The following MBOAT1 variants were observed in gnomAD, a reference collection of about 807,000 sequenced individuals.
MBOAT1 encodes membrane bound glycerophospholipid O-acyltransferase 1.
MBOAT1 carries 67 observed loss-of-function variants against 64.4 expected under a neutral mutation model. The ratio of observed to expected loss-of-function variants is 1.04; its 90% confidence interval spans 0.85 to 1.27. The LOEUF (loss-of-function observed/expected upper bound fraction) is 1.27, where lower values mean the gene tolerates loss of function less well. Ranked by LOEUF, MBOAT1 falls within the 50% of genes most tolerant of loss-of-function variation. The probability of loss-of-function intolerance (pLI) is 0.00; values close to 1 mark genes in which losing one functional copy is unlikely to be tolerated. For missense variants in MBOAT1, 563 were observed against 604.6 expected, an observed-to-expected ratio of 0.93 and a Z score of 0.72; for synonymous variants, 229 against 218.9, an observed-to-expected ratio of 1.05 and a Z score of -0.41.
chr6:20,141,626 C>G (rs1761179680), intron 4 of MBOAT1, among the ~76,000 whole-genome samples: 1 of 152,070 alleles, frequency 6.6e-6, no homozygotes. Context: ...CCTCTTCCTC[C>G]TCCTGCCAGC....
At chr6:20,175,297 T>G (rs971178379) in intron 1 of MBOAT1, among the ~76,000 whole-genome samples, 10 of 151,994 alleles carry the variant, frequency 6.6e-5, no homozygotes, top group African/African-American at 2.4e-4. Context: ...GTTGCCCAGG[T>G]GGGAGTGCAG....
chr6:20,176,335 C>T (rs1762341328), intron 1 of MBOAT1, among the ~76,000 whole-genome samples: 1 of 151,952 alleles, frequency 6.6e-6, no homozygotes, highest in Admixed American at 6.6e-5. Flanking sequence ...GATGGAATGA[C>T]TGTCTGCAAA....
At chr6:20,127,822 C>G (rs1760705242) in intron 6 of MBOAT1, among the ~76,000 whole-genome samples, 1 of 151,992 alleles carries the variant, frequency 6.6e-6, no homozygotes, top group Non-Finnish European at 1.5e-5. Context: ...TGAAACCATC[C>G]CCCCACCACC....
At chr6:20,141,222 C>A (rs1761160446) in intron 4 of MBOAT1, among the ~76,000 whole-genome samples, 1 of 152,164 alleles carries the variant, frequency 6.6e-6, no homozygotes, top group African/African-American at 2.4e-5. Context: ...ACTAACCCAG[C>A]ATGTGTGCAG....
At position 20,173,197 on chromosome 6, in the gene MBOAT1, T is replaced by C. The variant is rs141413404; in HGVS notation, c.100-20428A>G. On this transcript the variant is annotated intron_variant, in intron 1 of 12. Transcript: ENST00000324607. ...CATAAGGCAATTAAGCCTTTTGTTT[T>C]ACTAAATTACCCACTCTCAGGTATT... 4.8e-4 allele frequency among the ~76,000 whole-genome samples: 73 copies of C among 152,310 alleles called. 1 individual carries two copies. The highest frequency in any genetic ancestry group is 1.7e-3 in the African/African-American group (69 of 41,568).
At chr6:20,209,731 G>A (rs1025184413) in intron 1 of MBOAT1, among the ~76,000 whole-genome samples, 1 of 152,180 alleles carries the variant, frequency 6.6e-6, no homozygotes, top group African/African-American at 2.4e-5. Flanking sequence ...GAGCAAACAC[G>A]TATCAAGGCC....
chr6:20,163,926 G>A (rs1165072745), intron 1 of MBOAT1, among the ~76,000 whole-genome samples: 1 of 152,078 alleles, frequency 6.6e-6, no homozygotes. Context: ...ATAAGGAGGT[G>A]GAATGTTAGG....
intron 4 of MBOAT1, among the ~76,000 whole-genome samples, chr6:20,140,187 C>T (rs769841899): frequency 2.0e-5 from 3 of 152,216 alleles, no homozygotes; most frequent in Non-Finnish European, 2.9e-5. Flanking sequence ...CCCCAACCCC[C>T]AATCCTTTCA....
chr6:20,148,150 T>TGCTTAGGCCA (rs1761381536), intron 3 of MBOAT1, among the ~76,000 whole-genome samples: 1 of 152,246 alleles, frequency 6.6e-6, no homozygotes, highest in Non-Finnish European at 1.5e-5. Flanking sequence ...CCAGGCATGA[T>TGCTTAGGCCA]GGCTCATGCT....
At chr6:20,195,087 G>A (rs1250043713) in intron 1 of MBOAT1, among the ~76,000 whole-genome samples, 1 of 151,884 alleles carries the variant, frequency 6.6e-6, no homozygotes, top group Non-Finnish European at 1.5e-5. Flanking sequence ...TGAATAGCTG[G>A]GACCATAGGC....
intron 1 of MBOAT1, among the ~76,000 whole-genome samples, chr6:20,156,126 C>A (rs1040005040): frequency 6.6e-6 from 1 of 151,962 alleles, no homozygotes; most frequent in Non-Finnish European, 1.5e-5. Context: ...AAAAAATTAG[C>A]CGGGCGTGGT....
At chr6:20,105,475 A>T (rs1231444571) in intron 12 of MBOAT1, among the ~76,000 whole-genome samples, 2 of 152,216 alleles carry the variant, frequency 1.3e-5, no homozygotes, top group Non-Finnish European at 2.9e-5. Context: ...CGCAAATTCT[A>T]ACGTTCTGGC....
chr6:20,180,521 C>T (rs943541725), intron 1 of MBOAT1, among the ~76,000 whole-genome samples: 6 of 152,184 alleles, frequency 3.9e-5, no homozygotes, highest in Non-Finnish European at 8.8e-5. Context: ...CCCTTTCTTG[C>T]TCCAATAAAC....
Position 20,212,366 on chromosome 6 carries a change from G to A in MBOAT1, c.-132C>T, listed in dbSNP as rs1228233010. ...CGCCTGGTTCGCGGGGGAGCGAACGGGAGGCCGGGGAATGCGAACCGGCGC... is the reference window on the plus strand; with the variant it reads ...CGCCTGGTTCGCGGGGGAGCGAACGAGAGGCCGGGGAATGCGAACCGGCGC... On this transcript the variant is annotated 5_prime_UTR_variant, in exon 1 of 13. Coordinates refer to ENST00000324607, the MANE Select transcript of MBOAT1 (RefSeq NM_001080480.3). The A allele has an allele frequency of 2.7e-6, 2 of 754,566 alleles. No individual in the cohort carries two copies. Among genetic ancestry groups the A allele is most frequent in the Non-Finnish European group, 4.2e-6 (2 of 474,076 alleles). 46.7% of individuals were successfully genotyped at this position (754,566 alleles called of 1,614,324 possible). A position where few individuals can be genotyped will look rare whatever the true frequency, so the allele number is the denominator to read the frequency against.
chr6:20,106,399 T>C (rs1759957746), intron 12 of MBOAT1, among the ~76,000 whole-genome samples: 1 of 152,100 alleles, frequency 6.6e-6, no homozygotes. Context: ...ATGGCACAGA[T>C]GTAGATCATT....
chr6:20,145,041 C>T lies in MBOAT1; in HGVS notation c.324-726G>A, dbSNP rs78348527. Among the ~76,000 whole-genome samples, 667 of 152,284 alleles carry T rather than the reference C, an allele frequency of 4.4e-3. 6 individuals are homozygous for T. Among genetic ancestry groups the T allele is most frequent in the African/African-American group, 0.016 (645 of 41,560 alleles). On this transcript the variant is annotated intron_variant, in intron 3 of 12. Coordinates refer to ENST00000324607, the MANE Select transcript of MBOAT1 (RefSeq NM_001080480.3). ...AAACACACACATCCACATATAAGTA[C>T]TTGTCAAATGTGTAATTATAAATAT...
At chr6:20,199,350 A>C (rs955319846) in intron 1 of MBOAT1, among the ~76,000 whole-genome samples, 3 of 152,194 alleles carry the variant, frequency 2.0e-5, no homozygotes, top group Admixed American at 2.0e-4. Flanking sequence ...TAAACTAACA[A>C]AACTGGTAAT....
At chr6:20,168,636 GAGAA>G (rs1351358091) in intron 1 of MBOAT1, among the ~76,000 whole-genome samples, 53 of 123,824 alleles carry the variant, frequency 4.3e-4, no homozygotes, top group Non-Finnish European at 7.3e-4. Flanking sequence ...GAGAAGAGAA[GAGAA>G]GAGAGGAGAG....
At chr6:20,107,687 G>A (rs188087526) in intron 12 of MBOAT1, among the ~76,000 whole-genome samples, 11 of 151,962 alleles carry the variant, frequency 7.2e-5, no homozygotes, top group South Asian at 2.1e-4. Context: ...CAGGTATTAC[G>A]TGATACTGAG....
Sources: gnomAD v4.1 joint callset for allele counts (sites outside exome capture counted in the v4.1 genomes callset) on GRCh38, gnomAD v4.1.1 for gene constraint, MANE v1.5 for transcripts, NCBI Gene and HGNC (gene_info 2026-07-23, HGNC 2026-07-21) for gene names.